Variants in SETD1B observed in about 807,000 individuals in gnomAD.
The protein encoded by SETD1B is SET domain containing 1B, histone lysine methyltransferase.
In SETD1B, 7 loss-of-function variants were observed where a neutral mutation model predicts 148.0. The observed-to-expected ratio is 0.05, with a 90% CI of 0.03 to 0.09. The LOEUF (loss-of-function observed/expected upper bound fraction) is 0.09, where lower values mean the gene tolerates loss of function less well. Ranked by LOEUF, SETD1B falls within the 10% of genes least tolerant of loss-of-function variation. The pLI is 1.00. For missense variants in SETD1B, 2,155 were observed against 2,729.9 expected, an observed-to-expected ratio of 0.79 and a Z score of 4.69; for synonymous variants, 1,361 against 1,186.5, an observed-to-expected ratio of 1.15 and a Z score of -3.02.
chr12:121,792,194 A>G, the SETD1B span, among the ~76,000 whole-genome samples: 1 of 146,522 alleles, frequency 6.8e-6, no homozygotes, highest in African/African-American at 2.6e-5. Flanking sequence ...ATCCTAGGTC[A>G]GTGTCTGACC....
chr12:121,797,411 C>G, the SETD1B span: 3 of 454,318 alleles, frequency 6.6e-6, no homozygotes, highest in Non-Finnish European at 1.3e-5. Flanking sequence ...CTCGAGGGAC[C>G]AGCAGGAACA....
At chr12:121,797,832 G>A in the SETD1B span, 4 of 328,568 alleles carry the variant, frequency 1.2e-5, no homozygotes, top group African/African-American at 6.5e-5. Flanking sequence ...GAAGGAGGAG[G>A]CTTTTGGGAT....
chr12:121,822,052 C>T (rs908720467), intron 11 of SETD1B, among the ~76,000 whole-genome samples: 5 of 152,058 alleles, frequency 3.3e-5, no homozygotes, highest in Non-Finnish European at 5.9e-5. Context: ...CTGCATTCCA[C>T]CCGTCTCAAA....
rs1875622075 is a variant in SETD1B at position 121,804,629 on chromosome 12, G to A, written c.-14-95G>A. 9.4e-7 allele frequency: 1 copy of A among 1,066,850 alleles called. No homozygotes were observed. Among genetic ancestry groups the A allele is most frequent in the South Asian group, 1.6e-5 (1 of 64,482 alleles). 66.1% of individuals were successfully genotyped at this position (1,066,850 alleles called of 1,614,324 possible). The stretch of plus-strand genomic sequence containing the variant: ...CGGGGCGCGCTGGCAAGGTGGGAGG[G>A]GGTGGGGGCCTGCCGATTGGATTCT... On this transcript the variant is annotated intron_variant, in intron 1 of 16. Coordinates refer to ENST00000604567, the MANE Select transcript of SETD1B (RefSeq NM_001353345.2). The surrounding 1 kb of genome is among the most constrained non-coding windows in gnomAD (Gnocchi z 4.6).
At chr12:121,806,286 T>TCC (rs1322425349) in intron 4 of SETD1B, among the ~76,000 whole-genome samples, 181 bp downstream of exon 4, 1 of 148,720 alleles carries the variant, frequency 6.7e-6, no homozygotes, top group African/African-American at 2.5e-5. Context: ...TGTCTGTTGC[T>TCC]AGGAGACAGT....
intron 12 of SETD1B, among the ~76,000 whole-genome samples, 185 bp downstream of exon 12, chr12:121,823,934 T>G (rs1405629361): frequency 2.0e-5 from 3 of 152,192 alleles, no homozygotes; most frequent in Non-Finnish European, 4.4e-5. Context: ...AGTGAATCAT[T>G]GGCACGTTTT....
intron 10 of SETD1B, among the ~76,000 whole-genome samples, chr12:121,818,416 A>G (rs1876402386): frequency 6.6e-6 from 1 of 150,956 alleles, no homozygotes; most frequent in Non-Finnish European, 1.5e-5. Flanking sequence ...TGCAAAAAAT[A>G]GCCAGGCGTG....
At chr12:121,795,372 C>T in the SETD1B span, 2 of 152,334 alleles carry the variant, frequency 1.3e-5, no homozygotes, top group Non-Finnish European at 2.9e-5. Context: ...CAGGGGAACC[C>T]TTTACTGAAG....
rs1209675498 is a variant in SETD1B, at chr12:121,831,987, A to C, written c.*1748A>C. The C allele has an allele frequency of 1.3e-5, 2 of 152,140 alleles. No individual in the cohort carries two copies. The highest frequency in any genetic ancestry group is 2.9e-5 in the Non-Finnish European group (2 of 68,026). The allele number at this position is 152,140 out of a possible 1,614,324, so 9.4% of individuals were successfully genotyped here. A position where few individuals can be genotyped will look rare whatever the true frequency, so the allele number is the denominator to read the frequency against. ...AAGGAAATTGGTGGCAACAAGACAC[A>C]GATGGGGTACCTGGGCACAGCGGCG... On this transcript the variant is annotated 3_prime_UTR_variant, in exon 17 of 17. Coordinates refer to ENST00000604567, the MANE Select transcript of SETD1B (RefSeq NM_001353345.2).
At chr12:121,812,336 G>A (rs1876074752) in intron 6 of SETD1B, among the ~76,000 whole-genome samples, 1 of 152,214 alleles carries the variant, frequency 6.6e-6, no homozygotes, top group Admixed American at 6.5e-5. Flanking sequence ...GTCCTGCCAA[G>A]TCACTTACTG....
At position 121,823,052 on chromosome 12, in the gene SETD1B, G is replaced by A. The variant is rs1439689153; in HGVS notation, c.4473G>A (p.Arg1491=). ...PLPLALPAVL[R]AQARAPTPLP... ...CCTTGGCATTGCCCGCCGTCTTGCG[G>A]GCCCAGGCTCGTGCGCCCACCCCGC... Residue 1491 remains arginine (R), a synonymous_variant, in exon 12 of 17, where the codon CGG becomes CGA. Coordinates refer to ENST00000604567, the MANE Select transcript of SETD1B (RefSeq NM_001353345.2). 5.9e-6 allele frequency: 9 copies of A among 1,517,758 alleles called. No homozygotes were observed. In the African/African-American group the frequency reaches 8.3e-5, roughly 14 times the overall value. The allele number at this position is 1,517,758 out of a possible 1,614,324, so 94.0% of individuals were successfully genotyped here.
At chr12:121,797,471 T>G in the SETD1B span, 3 of 455,694 alleles carry the variant, frequency 6.6e-6, no homozygotes, top group Admixed American at 2.4e-5. Flanking sequence ...GAGGTGATGG[T>G]GGGGGGACAA....
the SETD1B span, chr12:121,797,392 C>T: frequency 1.6e-5 from 7 of 448,042 alleles, no homozygotes; most frequent in African/African-American, 8.0e-5. Flanking sequence ...GACCGGTGGG[C>T]GGGGCGCCCT....
intron 7 of SETD1B, among the ~76,000 whole-genome samples, chr12:121,815,862 C>T (rs1403287217): frequency 7.3e-6 from 1 of 137,218 alleles, no homozygotes; most frequent in Non-Finnish European, 1.5e-5. Context: ...GAGTCTCACT[C>T]TGTCACCCTG....
chr12:121,825,507 A>AGT, intron 13 of SETD1B, 141 bp downstream of exon 13: 6 of 343,374 alleles, frequency 1.7e-5, no homozygotes, highest in East Asian at 7.6e-5. Flanking sequence ...GTGGAAGGGG[A>AGT]GAGGCGGGTG....
chr12:121,792,401 C>T, the SETD1B span, among the ~76,000 whole-genome samples: 3 of 152,238 alleles, frequency 2.0e-5, no homozygotes, highest in Non-Finnish European at 4.4e-5. Flanking sequence ...CCCCACCCCT[C>T]ACAACACCGA....
the SETD1B span, chr12:121,797,435 A>C: frequency 2.2e-6 from 1 of 456,062 alleles, no homozygotes; most frequent in African/African-American, 2.0e-5. Flanking sequence ...GCAGGAGGAC[A>C]AACTGCCTCA....
At position 121,825,299 on chromosome 12, in the gene SETD1B, A is replaced by G. The variant is rs1199253887; in HGVS notation, c.5270A>G (p.Lys1757Arg). 5.2e-6 allele frequency: 8 copies of G among 1,551,890 alleles called. No individual in the cohort carries two copies. Among genetic ancestry groups the G allele is most frequent in the Admixed American group, 3.9e-5 (2 of 51,014 alleles). The change falls in exon 13 of 17, where the codon AAG becomes AGG. Residue 1757 changes from lysine to arginine, a missense_variant. Lys to Arg is a conservative substitution (Grantham distance 26, BLOSUM62 2). This residue lies in a region of SETD1B where 96 missense variants were observed against 148.7 expected (regional missense o/e 0.65). Coordinates refer to ENST00000604567, the MANE Select transcript of SETD1B (RefSeq NM_001353345.2). Reference sequence around the variant, plus strand: ...AGTGAGGGCTTCTACACCATCGACAAGAAGGACAAGCTCAGATACCTCAAC... The same window carrying G: ...AGTGAGGGCTTCTACACCATCGACAGGAAGGACAAGCTCAGATACCTCAAC... ...ARSEGFYTIDKKDKLRYLNSS... is the reference protein window; with the variant it reads ...ARSEGFYTIDRKDKLRYLNSS...
intron 11 of SETD1B, among the ~76,000 whole-genome samples, chr12:121,821,916 T>C (rs1306898734): frequency 1.3e-5 from 2 of 150,604 alleles, no homozygotes; most frequent in Non-Finnish European, 3.0e-5. Flanking sequence ...AGCCCATCTC[T>C]ACAAAACATT....
Sources: gnomAD v4.1 joint callset for allele counts (sites outside exome capture counted in the v4.1 genomes callset) on GRCh38, gnomAD v4.1.1 for gene constraint, gnomAD v4.1.1 regional missense constraint, Gnocchi (gnomAD v3.1) non-coding constraint, MANE v1.5 for transcripts, NCBI Gene and HGNC (gene_info 2026-07-23, HGNC 2026-07-21) for gene names.